PDCD1LG2: variants seen among roughly 807,000 people sequenced by gnomAD.
PDCD1LG2 encodes programmed cell death 1 ligand 2, also known as B7 dendritic cell molecule.
Under a neutral mutation model 28.2 loss-of-function variants are expected in PDCD1LG2, and 32 were observed. That is an observed-to-expected ratio of 1.13 (90% CI 0.86 to 1.52). The LOEUF (loss-of-function observed/expected upper bound fraction) is 1.52. Ranked by LOEUF, PDCD1LG2 falls within the 40% of genes most tolerant of loss-of-function variation. The pLI, the probability that PDCD1LG2 is intolerant of heterozygous loss-of-function variation, is 0.00. For missense variants in PDCD1LG2, 385 were observed against 323.8 expected, an observed-to-expected ratio of 1.19 and a Z score of -1.45; for synonymous variants, 116 against 120.2, an observed-to-expected ratio of 0.97 and a Z score of 0.23.
intron 4 of PDCD1LG2, among the ~76,000 whole-genome samples, chr9:5,551,410 G>A (rs533181727): frequency 1.4e-4 from 21 of 152,312 alleles, no homozygotes; most frequent in African/African-American, 4.8e-4. Flanking sequence ...AGATTTAGGA[G>A]TTTAAGAGAG....
At chr9:5,526,404 ATCTGATATGCCCTTTATTTTTACCTTTT>A in intron 2 of PDCD1LG2, among the ~76,000 whole-genome samples, 1 of 152,126 alleles carries the variant, frequency 6.6e-6, no homozygotes, top group Admixed American at 6.6e-5. Context: ...TCATAGCACT[ATCTGATATGCCCTTTATTTTTACCTTTT>A]TTAAATTAAA....
At chr9:5,546,022 C>T (rs1434337114) in intron 3 of PDCD1LG2, among the ~76,000 whole-genome samples, 1 of 152,134 alleles carries the variant, frequency 6.6e-6, no homozygotes, top group Non-Finnish European at 1.5e-5. Context: ...ATTCCTTTTC[C>T]ACCACCTTCC....
intron 1 of PDCD1LG2, among the ~76,000 whole-genome samples, chr9:5,519,490 C>T (rs1820233700): frequency 6.6e-6 from 1 of 152,152 alleles, no homozygotes; most frequent in African/African-American, 2.4e-5. Context: ...TGCCATTTGC[C>T]TTTGTACCCT....
At chr9:5,558,357 G>T (rs1197368092) in intron 5 of PDCD1LG2, among the ~76,000 whole-genome samples, 1 of 152,122 alleles carries the variant, frequency 6.6e-6, no homozygotes, top group Non-Finnish European at 1.5e-5. Flanking sequence ...GTACCAGCTG[G>T]GACAGAGCAT....
At chr9:5,562,321 G>C (rs765926968) in intron 5 of PDCD1LG2, among the ~76,000 whole-genome samples, 24 of 152,168 alleles carry the variant, frequency 1.6e-4, no homozygotes, top group Admixed American at 4.6e-4. Context: ...AAAAGAATGA[G>C]ATAATGTGTT....
At chr9:5,558,035 G>A (rs1391835645) in intron 5 of PDCD1LG2, among the ~76,000 whole-genome samples, 1 of 152,234 alleles carries the variant, frequency 6.6e-6, no homozygotes, top group Non-Finnish European at 1.5e-5. Context: ...TCAGCCTCAT[G>A]AGAGTGATGT....
At chr9:5,515,177 T>C (rs184929608) in intron 1 of PDCD1LG2, among the ~76,000 whole-genome samples, 201 of 152,328 alleles carry the variant, frequency 1.3e-3, no homozygotes, top group African/African-American at 4.5e-3. Flanking sequence ...AGAGAACGTG[T>C]TGATTTCTAG....
Position 5,560,070 on chromosome 9 carries a change from C to T in PDCD1LG2, c.766+2318C>T, listed in dbSNP as rs1172686606. 8.5e-5 allele frequency among the ~76,000 whole-genome samples: 13 copies of T among 152,376 alleles called. No homozygotes were observed. In the East Asian group the frequency reaches 2.5e-3, roughly 29 times the overall value. On this transcript the variant is annotated intron_variant, in intron 5 of 6. Coordinates refer to ENST00000397747, the MANE Select transcript of PDCD1LG2 (RefSeq NM_025239.4). ...TTCCTAATTCTACCTCCACGCACCA[C>T]ACCCATTACATTAAATCCCCTTATT...
intron 3 of PDCD1LG2, among the ~76,000 whole-genome samples, chr9:5,541,478 C>A (rs1388850361): frequency 6.6e-6 from 1 of 152,138 alleles, no homozygotes; most frequent in Non-Finnish European, 1.5e-5. Context: ...CTTGAAAGCT[C>A]CTAGAACTGG....
intron 4 of PDCD1LG2, among the ~76,000 whole-genome samples, chr9:5,553,672 T>A (rs1473068194): frequency 6.6e-6 from 1 of 152,200 alleles, no homozygotes; most frequent in Non-Finnish European, 1.5e-5. Flanking sequence ...ACTCTCTTCA[T>A]GGAAGCCAAC....
intron 1 of PDCD1LG2, among the ~76,000 whole-genome samples, chr9:5,519,658 T>C (rs1042285554): frequency 6.6e-6 from 1 of 152,192 alleles, no homozygotes; most frequent in Non-Finnish European, 1.5e-5. Context: ...TCTGCATTGA[T>C]GACTCCTAAA....
rs2129975842 is a variant in PDCD1LG2 at position 5,569,984 on chromosome 9, G to T, written c.*25G>T. On this transcript the variant is annotated 3_prime_UTR_variant, in exon 7 of 7. Transcript: ENST00000397747. The surrounding 1 kb of genome is among the most constrained non-coding windows in gnomAD (Gnocchi z 4.1). The stretch of plus-strand genomic sequence containing the variant: ...AACCTGTGGTCTTGGGAGCCAGGGT[G>T]ACCTGATATGACATCTAAAGAAGCT... 1 of 1,613,858 alleles carries T rather than the reference G, an allele frequency of 6.2e-7. No homozygotes were observed. The highest frequency in any genetic ancestry group is 1.1e-5 in the South Asian group (1 of 91,066).
intron 4 of PDCD1LG2, among the ~76,000 whole-genome samples, chr9:5,552,523 G>A (rs537345322): frequency 6.6e-6 from 1 of 152,304 alleles, no homozygotes; most frequent in South Asian, 2.1e-4. Flanking sequence ...CGTAGAACAT[G>A]CTTGAGGAGG....
intron 3 of PDCD1LG2, among the ~76,000 whole-genome samples, chr9:5,538,568 G>T (rs750095386): frequency 6.6e-6 from 1 of 152,066 alleles, no homozygotes; most frequent in African/African-American, 2.4e-5. Flanking sequence ...GGCGCCTGTA[G>T]TCCCAGCTAC....
intron 4 of PDCD1LG2, 26 bp from the exon 5 acceptor site, chr9:5,557,592 G>C (rs780811589): frequency 6.2e-7 from 1 of 1,613,540 alleles, no homozygotes; most frequent in Admixed American, 1.7e-5. Context: ...CATGTAACAG[G>C]ATTCTGGTGC....
chr9:5,531,532 C>G (rs558859477), intron 2 of PDCD1LG2, among the ~76,000 whole-genome samples: 2 of 152,192 alleles, frequency 1.3e-5, no homozygotes, highest in African/African-American at 2.4e-5. Flanking sequence ...ATATTTTATG[C>G]CTATCACTCC....
intron 3 of PDCD1LG2, among the ~76,000 whole-genome samples, chr9:5,539,284 A>C (rs1185428765): frequency 6.6e-6 from 1 of 152,208 alleles, no homozygotes; most frequent in African/African-American, 2.4e-5. Context: ...ACCATCACCT[A>C]AGAGTAGGCT....
intron 3 of PDCD1LG2, among the ~76,000 whole-genome samples, chr9:5,537,550 T>C (rs1366897160): frequency 1.3e-5 from 2 of 152,124 alleles, no homozygotes; most frequent in Admixed American, 1.3e-4. Context: ...TATGCAGCCA[T>C]AAAAAATGAT....
At chr9:5,566,587 T>A (rs1816670420) in intron 6 of PDCD1LG2, among the ~76,000 whole-genome samples, 2 of 152,326 alleles carry the variant, frequency 1.3e-5, no homozygotes, top group Non-Finnish European at 2.9e-5. Context: ...TCAGTCTCAG[T>A]CTCTGAGTGA....
Sources: allele counts gnomAD v4.1 joint callset (sites outside exome capture counted in the v4.1 genomes callset), GRCh38; gene constraint gnomAD v4.1.1; non-coding constraint Gnocchi (gnomAD v3.1); transcripts MANE v1.5; gene names NCBI Gene and HGNC (gene_info 2026-07-23, HGNC 2026-07-21).